The following TEAD1 variants were observed in gnomAD, a reference collection of about 807,000 sequenced individuals.
TEAD1 encodes the protein TEA domain transcription factor 1.
A neutral mutation model predicts 54.9 loss-of-function variants in TEAD1; 9 were observed. That is an observed-to-expected ratio of 0.16 (90% CI 0.10 to 0.29). The LOEUF is 0.29. TEAD1 is among the 10% of genes least tolerant of loss of function. TEAD1 has a pLI of 1.00. For synonymous variants in TEAD1, 200 were observed against 187.8 expected, an observed-to-expected ratio of 1.07 and a Z score of -0.53; for missense variants, 387 against 535.9, an observed-to-expected ratio of 0.72 and a Z score of 2.74.
chr11:12,836,280 C>T (rs1436477938), intron 3 of TEAD1, among the ~76,000 whole-genome samples: 6 of 151,904 alleles, frequency 3.9e-5, no homozygotes, highest in East Asian at 1.9e-4. Context: ...ATTAGCCGGG[C>T]GTGGTGGCGG....
rs538748202 is a variant in TEAD1, at chr11:12,906,697, C to A, written c.873+4584C>A. Among the ~76,000 whole-genome samples the A allele has an allele frequency of 5.9e-5, 9 of 152,308 alleles. No homozygotes were observed. In the East Asian group the frequency reaches 1.2e-3, roughly 20 times the overall value. Reference sequence around the variant, plus strand: ...CATTTGTAGTTAGTTCTTATTTCCACCCCCAGCCCCAGGCAACTGTGGATC... The same window carrying A: ...CATTTGTAGTTAGTTCTTATTTCCAACCCCAGCCCCAGGCAACTGTGGATC... On this transcript the variant is annotated intron_variant, in intron 10 of 12. Coordinates refer to ENST00000527636, the MANE Select transcript of TEAD1 (RefSeq NM_021961.6).
rs75603693 is a variant in TEAD1 at position 12,736,393 on chromosome 11, A to G, written c.-54-27786A>G. On this transcript the variant is annotated intron_variant, in intron 2 of 12. Coordinates refer to ENST00000527636, the MANE Select transcript of TEAD1 (RefSeq NM_021961.6). Reference sequence around the variant, plus strand: ...GTATCTTAAGGTAAAAATGAATTCAATTTTTTAAAGAAAAAATAGGGATTT... The same window carrying G: ...GTATCTTAAGGTAAAAATGAATTCAGTTTTTTAAAGAAAAAATAGGGATTT... Among the ~76,000 whole-genome samples the G allele has an allele frequency of 7.9e-3, 1,205 of 152,296 alleles. 21 individuals carry two copies. The highest frequency in any genetic ancestry group is 0.028 in the African/African-American group (1,150 of 41,548).
intron 9 of TEAD1, among the ~76,000 whole-genome samples, chr11:12,899,874 C>T (rs551098498): frequency 1.3e-5 from 2 of 152,314 alleles, no homozygotes; most frequent in African/African-American, 2.4e-5. Flanking sequence ...TTGCACTGCC[C>T]CTTATATGCA....
At chr11:12,736,712 T>C (rs1309468266) in intron 2 of TEAD1, among the ~76,000 whole-genome samples, 1 of 152,178 alleles carries the variant, frequency 6.6e-6, no homozygotes, top group Non-Finnish European at 1.5e-5. Flanking sequence ...TTTTGATTCT[T>C]ATCCATTCAC....
At chr11:12,835,476 ATT>A (rs397971557) in intron 3 of TEAD1, among the ~76,000 whole-genome samples, 11 of 139,678 alleles carry the variant, frequency 7.9e-5, no homozygotes, top group South Asian at 2.3e-4. Context: ...CACCCGGCTA[ATT>A]TTTTTTTTTT....
intron 2 of TEAD1, among the ~76,000 whole-genome samples, chr11:12,688,932 T>A (rs1183783898): frequency 6.6e-6 from 1 of 152,152 alleles, no homozygotes; most frequent in East Asian, 1.9e-4. Flanking sequence ...TATTTGCCTT[T>A]TCGTCTTCCT....
chr11:12,748,376 G>C (rs1486948554), intron 2 of TEAD1, among the ~76,000 whole-genome samples: 1 of 152,248 alleles, frequency 6.6e-6, no homozygotes, highest in Non-Finnish European at 1.5e-5. Flanking sequence ...GAGTGGAGTA[G>C]GTGGCCGGCT....
chr11:12,802,659 G>A (rs920486021), intron 3 of TEAD1, among the ~76,000 whole-genome samples: 1 of 152,246 alleles, frequency 6.6e-6, no homozygotes, highest in East Asian at 1.9e-4. Context: ...TCCAGGTCAA[G>A]ATGAAGAAAA....
At chr11:12,927,331 G>A (rs1948921492) in intron 11 of TEAD1, among the ~76,000 whole-genome samples, 1 of 152,164 alleles carries the variant, frequency 6.6e-6, no homozygotes, top group Admixed American at 6.5e-5. Flanking sequence ...CAGTTAAACA[G>A]ATCTGTCCCC....
chr11:12,765,600 G>A (rs1448003472), intron 3 of TEAD1, among the ~76,000 whole-genome samples: 1 of 152,190 alleles, frequency 6.6e-6, no homozygotes, highest in Non-Finnish European at 1.5e-5. Context: ...GAAAGCAGAT[G>A]GTGGTGCAGC....
chr11:12,805,134 C>G (rs1298468915), intron 3 of TEAD1, among the ~76,000 whole-genome samples: 2 of 152,140 alleles, frequency 1.3e-5, no homozygotes, highest in African/African-American at 4.8e-5. Flanking sequence ...CATTTGGTGG[C>G]TTACTGTGAA....
intron 2 of TEAD1, among the ~76,000 whole-genome samples, chr11:12,738,783 C>A (rs1230206994): frequency 3.3e-5 from 5 of 152,134 alleles, no homozygotes; most frequent in African/African-American, 1.2e-4. Context: ...GTATTCCAGC[C>A]CCTCCCTTTT....
At chr11:12,850,311 C>T (rs1564963188) in intron 3 of TEAD1, among the ~76,000 whole-genome samples, 1 of 152,198 alleles carries the variant, frequency 6.6e-6, no homozygotes, top group Admixed American at 6.5e-5. Context: ...TGGCTCATGC[C>T]TGTAATCCCA....
In TEAD1 at chr11:12,696,755, C is replaced by T. The variant is rs548067649; in HGVS notation, c.-55+21194C>T. Among the ~76,000 whole-genome samples, 5 of 152,132 alleles carry T rather than the reference C, an allele frequency of 3.3e-5. No homozygotes were observed. In the East Asian group the frequency reaches 9.7e-4, roughly 30 times the overall value. ...CCTGCGTGCTGTCCTAGGGAGGCCC[C>T]GTTCAGCAAAGGGAGCTCCATTTGG... On this transcript the variant is annotated intron_variant, in intron 2 of 12. Transcript: ENST00000527636.
At chr11:12,766,726 A>G (rs950701577) in intron 3 of TEAD1, among the ~76,000 whole-genome samples, 1 of 152,230 alleles carries the variant, frequency 6.6e-6, no homozygotes, top group Non-Finnish European at 1.5e-5. Flanking sequence ...TTAACTCAGC[A>G]GCACATTTAG....
chr11:12,896,729 AGAACATATAT>A (rs1489547805), intron 9 of TEAD1, among the ~76,000 whole-genome samples: 2 of 152,230 alleles, frequency 1.3e-5, no homozygotes, highest in African/African-American at 4.8e-5. Flanking sequence ...GGAATTTATG[AGAACATATAT>A]TTATTTGGGA....
In TEAD1 at chr11:12,800,293, AC is replaced by A. The variant is rs1197638980; in HGVS notation, c.202+35861del. Among the ~76,000 whole-genome samples, 3 of 152,176 alleles carry A rather than the reference AC, an allele frequency of 2.0e-5. No homozygotes were observed. In the East Asian group the frequency reaches 5.8e-4, roughly 29 times the overall value. On this transcript the variant is annotated intron_variant, in intron 3 of 12. Coordinates refer to ENST00000527636, the MANE Select transcript of TEAD1 (RefSeq NM_021961.6). ...GAGCTCTGGGTCCTGAGCCGGTTTTACCTCTTAGCTTTGTGATCTTGCATAA... is the reference window on the plus strand; with the variant it reads ...GAGCTCTGGGTCCTGAGCCGGTTTTACTCTTAGCTTTGTGATCTTGCATAA...
intron 10 of TEAD1, 26 bp downstream of exon 10, chr11:12,902,139 C>T (rs1487490301): frequency 3.1e-5 from 50 of 1,614,012 alleles, no homozygotes; most frequent in Middle Eastern, 1.6e-4. Context: ...CTGTGATTTC[C>T]GTGGTTTTTG....
At chr11:12,797,935 T>C (rs78841281) in intron 3 of TEAD1, among the ~76,000 whole-genome samples, 3,475 of 152,318 alleles carry the variant, frequency 0.023, 143 homozygotes, top group African/African-American at 0.08. Context: ...TGTTCATTTT[T>C]CCTTTGGATA....
Sources: gnomAD v4.1 joint callset for allele counts (sites outside exome capture counted in the v4.1 genomes callset) on GRCh38, gnomAD v4.1.1 for gene constraint, MANE v1.5 for transcripts, NCBI Gene and HGNC (gene_info 2026-07-23, HGNC 2026-07-21) for gene names.